The following SEPTIN10 variants were observed in gnomAD, a reference collection of about 807,000 sequenced individuals.
The protein encoded by SEPTIN10 is septin 10.
In SEPTIN10, 66 loss-of-function variants were observed where a neutral mutation model predicts 54.8. That is an observed-to-expected ratio of 1.21 (90% CI 0.99 to 1.48). The LOEUF (loss-of-function observed/expected upper bound fraction) is 1.48, where lower values mean the gene tolerates loss of function less well. Among genes scored for constraint, SEPTIN10 ranks in the 40% most tolerant of loss-of-function variants. The pLI is 0.00. For synonymous variants in SEPTIN10, 161 were observed against 181.0 expected, an observed-to-expected ratio of 0.89 and a Z score of 0.89; for missense variants, 620 against 545.6, an observed-to-expected ratio of 1.14 and a Z score of -1.36.
intron 4 of SEPTIN10, among the ~76,000 whole-genome samples, chr2:109,578,535 G>A (rs1052897601): frequency 2.5e-4 from 8 of 31,390 alleles, no homozygotes; most frequent in African/African-American, 8.4e-4. Flanking sequence ...GGAGGCCGAG[G>A]AGGGTGGAAT....
chr2:109,579,889 G>A (rs1356939494), intron 4 of SEPTIN10, among the ~76,000 whole-genome samples: 2 of 151,870 alleles, frequency 1.3e-5, no homozygotes, highest in Non-Finnish European at 1.5e-5. Flanking sequence ...GGGAAGCTAA[G>A]GCGTGTGGAT....
intron 9 of SEPTIN10, among the ~76,000 whole-genome samples, chr2:109,552,135 T>A (rs1683117384): frequency 6.6e-6 from 1 of 152,174 alleles, no homozygotes; most frequent in African/African-American, 2.4e-5. Context: ...GGTTGTGCGC[T>A]CCTTGTGAGA....
At chr2:109,557,566 G>A (rs542878954) in intron 8 of SEPTIN10, among the ~76,000 whole-genome samples, 22 of 152,232 alleles carry the variant, frequency 1.4e-4, no homozygotes, top group Non-Finnish European at 2.4e-4. Flanking sequence ...TGTCTCAGCA[G>A]GAGAAAGTAA....
chr2:109,611,445 A>G (rs1699232774), intron 1 of SEPTIN10, among the ~76,000 whole-genome samples: 1 of 152,172 alleles, frequency 6.6e-6, no homozygotes, highest in Admixed American at 6.5e-5. Flanking sequence ...AAAGGACTGG[A>G]ATCTAGTATA....
rs758616286 is a variant in SEPTIN10, at chr2:109,564,545, A to C, written c.860-11T>G. 5 of 1,480,434 alleles carry C rather than the reference A, an allele frequency of 3.4e-6. No individual in the cohort carries two copies. In the South Asian group the frequency reaches 7.5e-5, roughly 22 times the overall value. 91.7% of individuals were successfully genotyped at this position (1,480,434 alleles called of 1,614,324 possible). ...GGTTTTCATTTTCCACTAGCCAAAAAAAAATAAGAAAAGAACAACACTGGA... is the reference window on the plus strand; with the variant it reads ...GGTTTTCATTTTCCACTAGCCAAAACAAAATAAGAAAAGAACAACACTGGA... On this transcript the variant is annotated splice_polypyrimidine_tract_variant and intron_variant, in intron 7 of 10. Transcript: ENST00000397712.
At chr2:109,578,384 G>A (rs939473478) in intron 4 of SEPTIN10, among the ~76,000 whole-genome samples, 20 of 152,148 alleles carry the variant, frequency 1.3e-4, no homozygotes, top group Non-Finnish European at 2.8e-4. Context: ...ATACTGACAT[G>A]GAAGCATTAC....
At chr2:109,567,124 G>A (rs564883455) in intron 6 of SEPTIN10, among the ~76,000 whole-genome samples, 1 of 152,232 alleles carries the variant, frequency 6.6e-6, no homozygotes, top group Non-Finnish European at 1.5e-5. Flanking sequence ...GTCACTGTTA[G>A]GCGCTTAACA....
chr2:109,553,212 C>T lies in SEPTIN10; in HGVS notation c.1036G>A (p.Glu346Lys). 1 of 1,613,584 alleles carries T rather than the reference C, an allele frequency of 6.2e-7. No individual in the cohort carries two copies. The highest frequency in any genetic ancestry group is 8.5e-7 in the Non-Finnish European group (1 of 1,179,930). The change falls in exon 9 of 11, where the codon GAG becomes AAG. Residue 346 changes from glutamate (E) to lysine (K), a missense_variant. Physicochemically the swap from Glu to Lys is moderately conservative, Grantham distance 56. Coordinates refer to ENST00000397712, the MANE Select transcript of SEPTIN10 (RefSeq NM_144710.5). ...GPENKPVSVQ[E>K]TYEAKRHEFH... The stretch of plus-strand genomic sequence containing the variant: ...TCATGTCTTTTGGCTTCATAGGTCT[C>T]TTGAACACTAAAAAGTTATTTGTGT...
intron 5 of SEPTIN10, among the ~76,000 whole-genome samples, chr2:109,568,635 TA>T (rs1471273797): frequency 6.6e-6 from 1 of 150,962 alleles, no homozygotes; most frequent in African/African-American, 2.4e-5. Context: ...ATCATACACT[TA>T]AAAAGTAAAA....
chr2:109,585,210 T>C lies in SEPTIN10; in HGVS notation c.329A>G (p.Tyr110Cys), dbSNP rs1244457782. The C allele has an allele frequency of 1.2e-6, 2 of 1,613,014 alleles. No homozygotes were observed. Among genetic ancestry groups the C allele is most frequent in the East Asian group, 2.2e-5 (1 of 44,826 alleles). The change falls in exon 4 of 11, where the codon TAT becomes TGT. Residue 110 changes from tyrosine (Y) to cysteine (C), a missense_variant. Tyr to Cys is a radical substitution (Grantham distance 194). Coordinates refer to ENST00000397712, the MANE Select transcript of SEPTIN10 (RefSeq NM_144710.5). The stretch of plus-strand genomic sequence containing the variant: ...TTGAACATTACTTTCCTGGAGTTCA[T>C]ATGTCTGAGCTTTAAGTTTAACATT... ...CPNVKLKAQTYELQESNVQLK... is the reference protein window; with the variant it reads ...CPNVKLKAQTCELQESNVQLK...
At chr2:109,549,182 C>A (rs1271441015) in intron 9 of SEPTIN10, among the ~76,000 whole-genome samples, 2 of 152,284 alleles carry the variant, frequency 1.3e-5, no homozygotes, top group African/African-American at 2.4e-5. Context: ...GTTCTCTGCA[C>A]ACGTGTGCAT....
chr2:109,562,298 CT>C (rs1333736151), intron 8 of SEPTIN10, among the ~76,000 whole-genome samples: 3 of 151,966 alleles, frequency 2.0e-5, no homozygotes, highest in African/African-American at 7.3e-5. Context: ...CTACCCCTCT[CT>C]TTCACGCCTC....
At chr2:109,578,291 T>C (rs1198755604) in intron 4 of SEPTIN10, among the ~76,000 whole-genome samples, 1 of 152,066 alleles carries the variant, frequency 6.6e-6, no homozygotes, top group Non-Finnish European at 1.5e-5. Flanking sequence ...ATAAGAAACA[T>C]GTCTAAAGCA....
intron 4 of SEPTIN10, among the ~76,000 whole-genome samples, chr2:109,582,276 G>A (rs1033098678): frequency 6.6e-6 from 1 of 151,952 alleles, no homozygotes; most frequent in African/African-American, 2.4e-5. Context: ...TAGTTAAAAC[G>A]GCCATACTAC....
intron 8 of SEPTIN10, among the ~76,000 whole-genome samples, chr2:109,557,683 AAGG>A (rs1271573938): frequency 6.6e-6 from 1 of 152,192 alleles, no homozygotes; most frequent in Non-Finnish European, 1.5e-5. Context: ...TATTTTTCAA[AAGG>A]TGGTAAAGAA....
At chr2:109,574,554 G>GT (rs746412959) in intron 5 of SEPTIN10, 27 bp downstream of exon 5, 1 of 1,390,284 alleles carries the variant, frequency 7.2e-7, no homozygotes, top group East Asian at 2.5e-5. Flanking sequence ...TTAAAGTATG[G>GT]TAAGTTGATT....
At chr2:109,564,272 C>G in intron 8 of SEPTIN10, 94 bp downstream of exon 8, 1 of 1,177,406 alleles carries the variant, frequency 8.5e-7, no homozygotes, top group Non-Finnish European at 1.1e-6. Flanking sequence ...TTGGGAGATT[C>G]TAAAGAACAC....
At chr2:109,612,564 G>A (rs1314073379) in intron 1 of SEPTIN10, among the ~76,000 whole-genome samples, 1 of 152,182 alleles carries the variant, frequency 6.6e-6, no homozygotes, top group Non-Finnish European at 1.5e-5. Flanking sequence ...AGTAAAGTTA[G>A]CCTCAAAGCA....
intron 1 of SEPTIN10, chr2:109,604,691 C>T: frequency 6.7e-6 from 1 of 148,774 alleles, no homozygotes; most frequent in Non-Finnish European, 1.5e-5. Flanking sequence ...TGAGCCACTC[C>T]AGCCTGGGTG....
Sources: allele counts gnomAD v4.1 joint callset (sites outside exome capture counted in the v4.1 genomes callset), GRCh38; gene constraint gnomAD v4.1.1; transcripts MANE v1.5; gene names NCBI Gene and HGNC (gene_info 2026-07-23, HGNC 2026-07-21).